Variants in PKHD1 observed in about 807,000 individuals in gnomAD.
PKHD1 encodes fibrocystin.
Under a neutral mutation model 412.0 loss-of-function variants are expected in PKHD1, and 291 were observed. That is an observed-to-expected ratio of 0.71 (90% CI 0.64 to 0.78). The LOEUF is 0.78. Ranked by LOEUF, PKHD1 falls within the 30% of genes least tolerant of loss-of-function variation. The pLI is 0.00. For missense variants in PKHD1, 4,825 were observed against 4,950.7 expected (o/e 0.97, Z 0.76); for synonymous variants, 1,777 against 1,821.5 (o/e 0.98, Z 0.62).
intron 36 of PKHD1, among the ~76,000 whole-genome samples, chr6:51,957,923 T>C (rs1791391581): frequency 6.6e-6 from 1 of 152,138 alleles, no homozygotes; most frequent in South Asian, 2.1e-4. Flanking sequence ...ACATTTACTT[T>C]CTAATTATTT....
intron 52 of PKHD1, among the ~76,000 whole-genome samples, chr6:51,816,554 G>C (rs980445425): frequency 4.6e-5 from 7 of 152,202 alleles, no homozygotes; most frequent in Non-Finnish European, 1.0e-4. Context: ...CATATTTTAA[G>C]TCTGGCTTAA....
chr6:51,799,538 T>C (rs1252606612), intron 52 of PKHD1, among the ~76,000 whole-genome samples: 4 of 152,234 alleles, frequency 2.6e-5, no homozygotes, highest in African/African-American at 9.6e-5. Context: ...TATCAATGTG[T>C]CTATTATAAG....
chr6:51,924,596 A>G (rs763252144), intron 37 of PKHD1, among the ~76,000 whole-genome samples: 5 of 152,250 alleles, frequency 3.3e-5, no homozygotes, highest in Admixed American at 6.5e-5. Flanking sequence ...TTAAAAGCTT[A>G]CACAATAATC....
intron 52 of PKHD1, among the ~76,000 whole-genome samples, chr6:51,808,152 A>G (rs1474636785): frequency 6.6e-6 from 1 of 152,220 alleles, no homozygotes; most frequent in Non-Finnish European, 1.5e-5. Flanking sequence ...GAATAATTAC[A>G]TGGAATAATA....
At chr6:51,842,325 G>A (rs899183470) in intron 50 of PKHD1, among the ~76,000 whole-genome samples, 13 of 152,152 alleles carry the variant, frequency 8.5e-5, no homozygotes, top group Non-Finnish European at 1.3e-4. Context: ...ATTTATCACC[G>A]GCTGCTGGTC....
chr6:51,860,880 C>T (rs999573290), intron 48 of PKHD1, among the ~76,000 whole-genome samples: 4 of 152,018 alleles, frequency 2.6e-5, no homozygotes, highest in East Asian at 1.9e-4. Context: ...GGCATGATCT[C>T]GGCTCACTGC....
At chr6:51,712,059 C>T (rs528616782) in intron 60 of PKHD1, among the ~76,000 whole-genome samples, 97 of 152,276 alleles carry the variant, frequency 6.4e-4, no homozygotes, top group Non-Finnish European at 1.0e-3. Context: ...TTTATCTAGT[C>T]GAGTTGTAGC....
chr6:51,835,568 A>G (rs1169566487), intron 51 of PKHD1, among the ~76,000 whole-genome samples: 1 of 152,196 alleles, frequency 6.6e-6, no homozygotes, highest in African/African-American at 2.4e-5. Flanking sequence ...GGCATTTTGA[A>G]CCACCTAAAG....
intron 63 of PKHD1, among the ~76,000 whole-genome samples, chr6:51,647,688 C>T (rs1051783976): frequency 4.6e-5 from 7 of 152,218 alleles, no homozygotes; most frequent in Middle Eastern, 3.4e-3. Context: ...AAGGGTGTGT[C>T]GTGGGGGCAC....
chr6:51,822,785 CT>C (rs2151465008), intron 52 of PKHD1, among the ~76,000 whole-genome samples: 1 of 152,268 alleles, frequency 6.6e-6, no homozygotes, highest in South Asian at 2.1e-4. Flanking sequence ...GATGGTACCC[CT>C]AGGCATTCAC....
chr6:51,833,177 A>G (rs555202848), intron 51 of PKHD1, among the ~76,000 whole-genome samples: 3 of 152,124 alleles, frequency 2.0e-5, no homozygotes, highest in Admixed American at 6.6e-5. Flanking sequence ...ATTGTTCTCT[A>G]AAACCTCACG....
At chr6:51,892,424 T>G (rs2127575398) in intron 43 of PKHD1, among the ~76,000 whole-genome samples, 1 of 152,330 alleles carries the variant, frequency 6.6e-6, no homozygotes, top group South Asian at 2.1e-4. Flanking sequence ...CATTTTTTAT[T>G]GTAACAACTT....
chr6:51,928,344 G>T (rs1466983568), intron 37 of PKHD1, among the ~76,000 whole-genome samples: 1 of 152,126 alleles, frequency 6.6e-6, no homozygotes, highest in Non-Finnish European at 1.5e-5. Flanking sequence ...TACAGACGAA[G>T]GTAGTGACTA....
At chr6:51,674,670 T>A (rs1775552004) in intron 60 of PKHD1, among the ~76,000 whole-genome samples, 1 of 152,186 alleles carries the variant, frequency 6.6e-6, no homozygotes, top group Non-Finnish European at 1.5e-5. Context: ...GTGTTTAGAC[T>A]TAAGGTTCAG....
intron 53 of PKHD1, among the ~76,000 whole-genome samples, chr6:51,788,464 G>A (rs1454028097): frequency 4.0e-5 from 6 of 148,328 alleles, no homozygotes; most frequent in African/African-American, 1.0e-4. Flanking sequence ...ACTTCCAGTC[G>A]GATGTGGCCA....
intron 35 of PKHD1, among the ~76,000 whole-genome samples, chr6:52,001,119 C>T (rs1043323871): frequency 6.6e-6 from 1 of 152,148 alleles, no homozygotes; most frequent in Non-Finnish European, 1.5e-5. Flanking sequence ...GAAACCCATT[C>T]ATATGATTCT....
At chr6:51,982,665 A>G (rs1489250467) in intron 35 of PKHD1, among the ~76,000 whole-genome samples, 1 of 148,136 alleles carries the variant, frequency 6.8e-6, no homozygotes, top group African/African-American at 2.5e-5. Flanking sequence ...CAGGGACACA[A>G]ACACTGCGGA....
At chr6:51,937,418 T>G (rs1235043156) in intron 36 of PKHD1, among the ~76,000 whole-genome samples, 1 of 152,190 alleles carries the variant, frequency 6.6e-6, no homozygotes, top group Non-Finnish European at 1.5e-5. Context: ...AGAATTAATC[T>G]CTTCAAGTAT....
intron 48 of PKHD1, among the ~76,000 whole-genome samples, chr6:51,861,055 C>T (rs1774110249): frequency 6.6e-6 from 1 of 152,094 alleles, no homozygotes; most frequent in African/African-American, 2.4e-5. Context: ...TCAGGTGATC[C>T]ACCCGCCTCA....
Sources: allele counts gnomAD v4.1 joint callset (sites outside exome capture counted in the v4.1 genomes callset), GRCh38; gene constraint gnomAD v4.1.1; transcripts MANE v1.5; gene names NCBI Gene and HGNC (gene_info 2026-07-23, HGNC 2026-07-21).